SNTG2: variants seen among roughly 807,000 people sequenced by gnomAD.
SNTG2 encodes the protein gamma-2-syntrophin.
SNTG2 carries 74 observed loss-of-function variants against 70.9 expected under a neutral mutation model. That is an observed-to-expected ratio of 1.04 (90% confidence interval 0.86 to 1.27). The LOEUF is 1.27. SNTG2 is among the 50% of genes most tolerant of loss of function. SNTG2 has a pLI of 0.00. For missense variants in SNTG2, 717 were observed against 690.7 expected (o/e 1.04, Z -0.43); for synonymous variants, 278 against 273.8 (o/e 1.02, Z -0.15).
At chr2:1,001,211 A>G (rs1226533124) in intron 1 of SNTG2, among the ~76,000 whole-genome samples, 1 of 152,026 alleles carries the variant, frequency 6.6e-6, no homozygotes, top group East Asian at 1.9e-4. Flanking sequence ...CTGGAACAAG[A>G]TGAAGATGTT....
chr2:995,235 T>G (rs1661639993), intron 1 of SNTG2, among the ~76,000 whole-genome samples: 1 of 152,114 alleles, frequency 6.6e-6, no homozygotes, highest in South Asian at 2.1e-4. Flanking sequence ...GAGGAAGTTC[T>G]GTTTTATACC....
intron 1 of SNTG2, among the ~76,000 whole-genome samples, chr2:1,031,586 A>G (rs1660842158): frequency 7.4e-6 from 1 of 134,492 alleles, no homozygotes; most frequent in South Asian, 2.5e-4. Flanking sequence ...GCTGGAGTGC[A>G]GTGGTGCGAT....
intron 1 of SNTG2, among the ~76,000 whole-genome samples, chr2:1,031,528 A>ATATATATATATATATTTTTTT: frequency 6.8e-5 from 4 of 59,122 alleles, no homozygotes; most frequent in African/African-American, 1.7e-4. Context: ...ATATATATAT[A>ATATATATATATATATTTTTTT]TTTTTTTTTT....
chr2:1,039,581 A>G (rs536026888), intron 1 of SNTG2, among the ~76,000 whole-genome samples: 1 of 152,210 alleles, frequency 6.6e-6, no homozygotes, highest in African/African-American at 2.4e-5. Context: ...AGGGCCATCA[A>G]TCTTGGGGGG....
At chr2:1,220,666 A>T (rs1435731536) in intron 9 of SNTG2, among the ~76,000 whole-genome samples, 1 of 152,226 alleles carries the variant, frequency 6.6e-6, no homozygotes, top group Non-Finnish European at 1.5e-5. Context: ...GTTCATGTTG[A>T]CAGAAAGAGA....
At chr2:1,160,094 G>A (rs1355570963) in intron 6 of SNTG2, 1 of 152,158 alleles carries the variant, frequency 6.6e-6, no homozygotes, top group Non-Finnish European at 1.5e-5. Flanking sequence ...TGAAAATGGG[G>A]CAAATAAATG....
At chr2:994,617 T>C (rs1024857811) in intron 1 of SNTG2, among the ~76,000 whole-genome samples, 1 of 152,060 alleles carries the variant, frequency 6.6e-6, no homozygotes, top group Non-Finnish European at 1.5e-5. Context: ...GTAGATCAAT[T>C]TGAGAATTAT....
intron 7 of SNTG2, among the ~76,000 whole-genome samples, chr2:1,169,289 G>T (rs1670964276): frequency 6.6e-6 from 1 of 152,144 alleles, no homozygotes; most frequent in African/African-American, 2.4e-5. Context: ...GCTTTCGGAT[G>T]TTGCTAAGTG....
At chr2:1,028,566 C>G (rs1377605918) in intron 1 of SNTG2, among the ~76,000 whole-genome samples, 1 of 152,152 alleles carries the variant, frequency 6.6e-6, no homozygotes, top group Non-Finnish European at 1.5e-5. Context: ...TCCAAACCTT[C>G]TCAGCTTTCT....
intron 8 of SNTG2, among the ~76,000 whole-genome samples, chr2:1,179,341 T>G (rs1399882602): frequency 1.3e-5 from 2 of 152,216 alleles, no homozygotes; most frequent in African/African-American, 4.8e-5. Context: ...CAAAATCTCC[T>G]TAAGCTGATA....
intron 16 of SNTG2, among the ~76,000 whole-genome samples, chr2:1,337,504 A>G (rs1339140578): frequency 6.6e-6 from 1 of 152,118 alleles, no homozygotes; most frequent in Non-Finnish European, 1.5e-5. Flanking sequence ...ATAAATATTC[A>G]GATTTTTTGC....
At chr2:1,270,761 G>C (rs1200390702) in intron 14 of SNTG2, among the ~76,000 whole-genome samples, 1 of 152,148 alleles carries the variant, frequency 6.6e-6, no homozygotes, top group Non-Finnish European at 1.5e-5. Context: ...TCTCTGTTTT[G>C]CTTGTTTTGC....
intron 9 of SNTG2, among the ~76,000 whole-genome samples, chr2:1,214,402 G>C (rs936638634): frequency 2.0e-5 from 3 of 151,936 alleles, no homozygotes; most frequent in African/African-American, 7.2e-5. Flanking sequence ...TTCCATTTTT[G>C]TGTGTCATCT....
At chr2:1,091,487 G>A (rs538735957) in intron 2 of SNTG2, among the ~76,000 whole-genome samples, 20 of 152,306 alleles carry the variant, frequency 1.3e-4, no homozygotes, top group South Asian at 1.2e-3. Flanking sequence ...ATGCCAGGAC[G>A]CAAACATCAT....
chr2:1,244,252 T>C (rs1356594529), intron 11 of SNTG2, among the ~76,000 whole-genome samples: 1 of 152,198 alleles, frequency 6.6e-6, no homozygotes, highest in Non-Finnish European at 1.5e-5. Flanking sequence ...GTGTTCGCCA[T>C]TCGCTCGTTT....
chr2:1,004,779 T>C (rs549018729), intron 1 of SNTG2, among the ~76,000 whole-genome samples: 2 of 152,300 alleles, frequency 1.3e-5, no homozygotes, highest in South Asian at 4.1e-4. Flanking sequence ...AAACATATTC[T>C]TAACATAGAA....
chr2:1,320,687 G>T (rs913824974), intron 16 of SNTG2, among the ~76,000 whole-genome samples: 6 of 151,828 alleles, frequency 4.0e-5, no homozygotes, highest in African/African-American at 1.5e-4. Context: ...CTCTTTGACT[G>T]TTTTTTCCTT....
In SNTG2 at chr2:1,053,535, C is replaced by T. The variant is rs931513797; in HGVS notation, c.73-29983C>T. ...TCCTTGATGGCAGATGTCAGTTTCACGGAGACGTAATTGTTTCCAGGAGTA... is the reference window on the plus strand; with the variant it reads ...TCCTTGATGGCAGATGTCAGTTTCATGGAGACGTAATTGTTTCCAGGAGTA... On this transcript the variant is annotated intron_variant, in intron 1 of 16. Coordinates refer to ENST00000308624, the MANE Select transcript of SNTG2 (RefSeq NM_018968.4). Among the ~76,000 whole-genome samples the T allele has an allele frequency of 3.0e-5, 4 of 132,340 alleles. No individual in the cohort carries two copies. In the East Asian group the frequency reaches 7.8e-4, roughly 26 times the overall value. 86.8% of individuals were successfully genotyped at this position (132,340 alleles called of 152,430 possible).
chr2:1,359,332 AT>A (rs1262242978), intron 16 of SNTG2, among the ~76,000 whole-genome samples: 1 of 152,088 alleles, frequency 6.6e-6, no homozygotes, highest in African/African-American at 2.4e-5. Flanking sequence ...AAGATTTCAG[AT>A]TTTTTGATTA....
Sources: allele counts gnomAD v4.1 joint callset (sites outside exome capture counted in the v4.1 genomes callset), GRCh38; gene constraint gnomAD v4.1.1; transcripts MANE v1.5; gene names NCBI Gene and HGNC (gene_info 2026-07-23, HGNC 2026-07-21).